ABTB2: variants seen among roughly 807,000 people sequenced by gnomAD.
ABTB2 encodes ankyrin repeat and BTB/POZ domain-containing protein 2.
ABTB2 carries 56 observed loss-of-function variants against 104.1 expected under a neutral mutation model. The ratio of observed to expected loss-of-function variants is 0.54; its 90% confidence interval spans 0.43 to 0.67. The LOEUF (loss-of-function observed/expected upper bound fraction) is 0.67, where lower values mean the gene tolerates loss of function less well. Among genes scored for constraint, ABTB2 ranks in the 30% least tolerant of loss-of-function variants. ABTB2 has a pLI of 0.00. For missense variants in ABTB2, 1,279 were observed against 1,407.7 expected (o/e 0.91, Z 1.46); for synonymous variants, 606 against 608.2 (o/e 1.00, Z 0.05).
At chr11:34,337,249 G>T (rs1328284906) in intron 1 of ABTB2, among the ~76,000 whole-genome samples, 2 of 152,226 alleles carry the variant, frequency 1.3e-5, no homozygotes, top group Non-Finnish European at 2.9e-5. Flanking sequence ...GGGGAGAAGA[G>T]TTGCATGCAG....
intron 3 of ABTB2, among the ~76,000 whole-genome samples, chr11:34,184,258 C>G (rs11032541): frequency 0.35 from 53,840 of 151,992 alleles, 9,849 homozygotes; most frequent in Middle Eastern, 0.39. Flanking sequence ...GGAAATAATT[C>G]CCCAGTAAAA....
In ABTB2 at chr11:34,159,943, A is replaced by G. The variant is rs1287061445; in HGVS notation, c.2569T>C (p.Tyr857His). The change falls in exon 13 of 17, where the codon TAT becomes CAT. Residue 857 changes from tyrosine to histidine, a missense_variant. Tyr to His is a moderately conservative substitution (Grantham distance 83, BLOSUM62 2). Coordinates refer to ENST00000435224, the MANE Select transcript of ABTB2 (RefSeq NM_145804.3). ...VTFLVEGKLF[Y>H]AHKVLLVTAS... ...GTCACCAGCAGGACTTTATGTGCAT[A>G]AAACAGCTTTCCTTCCACCAGGAAG... 2.5e-6 allele frequency: 4 copies of G among 1,614,120 alleles called. No individual in the cohort carries two copies. The highest frequency in any genetic ancestry group is 1.7e-5 in the Admixed American group (1 of 60,032).
chr11:34,242,398 G>A (rs1853930447), intron 1 of ABTB2: 1 of 152,254 alleles, frequency 6.6e-6, no homozygotes, highest in Non-Finnish European at 1.5e-5. Context: ...ATGAGATAGT[G>A]GCTGAAGGGA....
intron 9 of ABTB2, among the ~76,000 whole-genome samples, chr11:34,164,171 C>T (rs1475440405): frequency 6.6e-6 from 1 of 152,202 alleles, no homozygotes; most frequent in Non-Finnish European, 1.5e-5. Flanking sequence ...TCTCCCTTTG[C>T]CCCTCCGTGC....
intron 1 of ABTB2, among the ~76,000 whole-genome samples, chr11:34,244,508 C>T (rs1003919905): frequency 2.0e-5 from 3 of 152,192 alleles, no homozygotes; most frequent in Non-Finnish European, 2.9e-5. Context: ...TGTAACTGAA[C>T]GAGCACTTAC....
At chr11:34,249,589 C>A (rs1196949494) in intron 1 of ABTB2, among the ~76,000 whole-genome samples, 1 of 152,126 alleles carries the variant, frequency 6.6e-6, no homozygotes. Flanking sequence ...TGAGCTTGAC[C>A]CCACTACCCC....
At position 34,154,444 on chromosome 11, in the gene ABTB2, C is replaced by G; in HGVS notation, c.2767-66G>C. 8.3e-7 allele frequency: 1 copy of G among 1,205,824 alleles called. No homozygotes were observed. The highest frequency in any genetic ancestry group is 1.2e-6 in the Non-Finnish European group (1 of 836,326). 74.7% of individuals were successfully genotyped at this position (1,205,824 alleles called of 1,614,324 possible). A position where few individuals can be genotyped will look rare whatever the true frequency, so the allele number is the denominator to read the frequency against. ...GACCAGTGGCCCAGACAGCACCGAACAGAAAGCTCCCGAGTGCCGTGTGCC... is the reference window on the plus strand; with the variant it reads ...GACCAGTGGCCCAGACAGCACCGAAGAGAAAGCTCCCGAGTGCCGTGTGCC... On this transcript the variant is annotated intron_variant, in intron 15 of 16. Coordinates refer to ENST00000435224, the MANE Select transcript of ABTB2 (RefSeq NM_145804.3). This position sits in a 1 kb window ranked among gnomAD's most constrained non-coding sequence, Gnocchi z 4.9.
rs1324314353 is a variant in ABTB2, at chr11:34,204,746, G to A, written c.884-56C>T. On this transcript the variant is annotated intron_variant, in intron 1 of 16. Coordinates refer to ENST00000435224, the MANE Select transcript of ABTB2 (RefSeq NM_145804.3). ...TTAGGAAGGAGTGGAAGTTCAGTGG[G>A]CCCCAGCCTGCTGCAGGCAGGGCTC... 66 of 1,554,974 alleles carry A rather than the reference G, an allele frequency of 4.2e-5. No individual in the cohort carries two copies. In the East Asian group the frequency reaches 1.5e-3, roughly 35 times the overall value.
At chr11:34,234,532 C>T (rs2611104) in intron 1 of ABTB2, among the ~76,000 whole-genome samples, 3,066 of 152,298 alleles carry the variant, frequency 0.02, 108 homozygotes, top group African/African-American at 0.071. Context: ...TTCCACTGCT[C>T]AGAGGAGAAA....
chr11:34,335,226 G>T, intron 1 of ABTB2: 1 of 1,278,076 alleles, frequency 7.8e-7, no homozygotes, highest in Non-Finnish European at 1.1e-6. Flanking sequence ...TTTAAGCATC[G>T]AAGGTCATCA....
chr11:34,197,448 G>A lies in ABTB2; in HGVS notation c.1121C>T (p.Pro374Leu). ...ASPARQARQP[P>L]QPITWSPDAL... The stretch of plus-strand genomic sequence containing the variant: ...GTCGGGGGACCAAGTGATGGGCTGT[G>A]GCGGCTGGCGGGCCTGGCGGGCAGG... The change falls in exon 3 of 17, where the codon CCA becomes CTA. Residue 374 changes from proline (P) to leucine (L), a missense_variant. Coordinates refer to ENST00000435224, the MANE Select transcript of ABTB2 (RefSeq NM_145804.3). 1 of 1,599,906 alleles carries A rather than the reference G, an allele frequency of 6.3e-7. No homozygotes were observed. The highest frequency in any genetic ancestry group is 8.5e-7 in the Non-Finnish European group (1 of 1,172,010).
intron 1 of ABTB2, among the ~76,000 whole-genome samples, chr11:34,317,323 T>C (rs1399818560): frequency 6.6e-6 from 1 of 152,214 alleles, no homozygotes; most frequent in African/African-American, 2.4e-5. Context: ...CTTTCTACCC[T>C]GGAGACTATA....
At chr11:34,257,620 G>A (rs912421812) in intron 1 of ABTB2, among the ~76,000 whole-genome samples, 9 of 151,986 alleles carry the variant, frequency 5.9e-5, no homozygotes, top group African/African-American at 1.5e-4. Context: ...ACAGGATTTC[G>A]CTCTGTTGCC....
chr11:34,240,368 G>T (rs553034414), intron 1 of ABTB2, among the ~76,000 whole-genome samples: 2 of 152,320 alleles, frequency 1.3e-5, no homozygotes, highest in East Asian at 3.9e-4. Context: ...GATCCACCTG[G>T]CCACTGCACA....
intron 1 of ABTB2, among the ~76,000 whole-genome samples, chr11:34,265,559 C>G (rs1394361546): frequency 6.7e-6 from 1 of 149,090 alleles, no homozygotes; most frequent in Non-Finnish European, 1.5e-5. Context: ...ACTTGGGAGG[C>G]TGAGACGAGA....
At chr11:34,244,679 T>C (rs139421806) in intron 1 of ABTB2, among the ~76,000 whole-genome samples, 175 of 152,350 alleles carry the variant, frequency 1.1e-3, no homozygotes, top group Non-Finnish European at 1.7e-3. Context: ...TTGGGCACTT[T>C]GCTTAACTGC....
chr11:34,274,863 T>G (rs1854365505), intron 1 of ABTB2, among the ~76,000 whole-genome samples: 1 of 152,128 alleles, frequency 6.6e-6, no homozygotes, highest in Admixed American at 6.5e-5. Flanking sequence ...GCTTTTCCAC[T>G]TCCAGCCAGC....
intron 5 of ABTB2, among the ~76,000 whole-genome samples, chr11:34,170,067 GCT>G (rs1227245059): frequency 6.6e-6 from 1 of 152,172 alleles, no homozygotes; most frequent in Non-Finnish European, 1.5e-5. Flanking sequence ...CACTGTAAGT[GCT>G]CTCAGTACAG....
At chr11:34,205,822 C>T (rs959383623) in intron 1 of ABTB2, among the ~76,000 whole-genome samples, 6 of 152,114 alleles carry the variant, frequency 3.9e-5, no homozygotes, top group African/African-American at 1.2e-4. Context: ...CTGGCTGTCA[C>T]GTAACCAGTG....
Sources: gnomAD v4.1 joint callset for allele counts (sites outside exome capture counted in the v4.1 genomes callset) on GRCh38, gnomAD v4.1.1 for gene constraint, Gnocchi (gnomAD v3.1) non-coding constraint, MANE v1.5 for transcripts, NCBI Gene and HGNC (gene_info 2026-07-23, HGNC 2026-07-21) for gene names.